Variants in MTUS1 observed in about 807,000 individuals in gnomAD.
MTUS1 encodes the protein microtubule associated scaffold protein 1.
Under a neutral mutation model 120.8 loss-of-function variants are expected in MTUS1, and 109 were observed. The ratio of observed to expected loss-of-function variants is 0.90; its 90% CI spans 0.77 to 1.06. The LOEUF is 1.06. Ranked by LOEUF, MTUS1 falls within the 50% of genes least tolerant of loss-of-function variation. The probability of loss-of-function intolerance (pLI) is 0.00; values close to 1 mark genes in which losing one functional copy is unlikely to be tolerated. For missense variants in MTUS1, 2,210 were observed against 1,486.3 expected, an observed-to-expected ratio of 1.49 and a Z score of -8.01; for synonymous variants, 737 against 550.5, an observed-to-expected ratio of 1.34 and a Z score of -4.74.
At chr8:17,660,165 GA>G (rs1308521918) in intron 8 of MTUS1, among the ~76,000 whole-genome samples, 1 of 151,992 alleles carries the variant, frequency 6.6e-6, no homozygotes, top group African/African-American at 2.4e-5. Flanking sequence ...TTGAGTTCAG[GA>G]GTTCGAGACC....
chr8:17,721,577 C>A (rs1313457683), intron 4 of MTUS1: 3 of 1,099,978 alleles, frequency 2.7e-6, no homozygotes, highest in African/African-American at 1.6e-5. Flanking sequence ...AATATACATA[C>A]AAAATGCCCC....
intron 5 of MTUS1, 33 bp from the exon 6 acceptor site, chr8:17,713,285 T>G: frequency 8.0e-7 from 1 of 1,255,268 alleles, no homozygotes; most frequent in Non-Finnish European, 1.2e-6. Flanking sequence ...AAAATACATA[T>G]GTTTTATTTG....
intron 1 of MTUS1, among the ~76,000 whole-genome samples, chr8:17,792,838 T>C (rs1410412901): frequency 6.6e-6 from 1 of 152,258 alleles, no homozygotes; most frequent in African/African-American, 2.4e-5. Context: ...TCCTCCAGCC[T>C]GTGACACAGC....
At chr8:17,733,710 G>T (rs1056868748) in intron 3 of MTUS1, among the ~76,000 whole-genome samples, 7 of 152,154 alleles carry the variant, frequency 4.6e-5, no homozygotes, top group African/African-American at 1.4e-4. Context: ...CCAATCTGTT[G>T]TGTCCTAATC....
chr8:17,684,283 C>G (rs752042522), intron 7 of MTUS1, 45 bp downstream of exon 7: 18 of 1,487,828 alleles, frequency 1.2e-5, no homozygotes, highest in Non-Finnish European at 1.0e-5. Flanking sequence ...CCCGTGCTCC[C>G]CCGACCTCAA....
At chr8:17,662,850 AAAAAAAAG>A (rs1810060644) in intron 8 of MTUS1, among the ~76,000 whole-genome samples, 1 of 151,944 alleles carries the variant, frequency 6.6e-6, no homozygotes, top group South Asian at 2.1e-4. Flanking sequence ...AAGAGAAAAA[AAAAAAAAG>A]AAAAAGGAAG....
At chr8:17,759,562 T>G (rs2048879990) in intron 1 of MTUS1, among the ~76,000 whole-genome samples, 2 of 149,282 alleles carry the variant, frequency 1.3e-5, no homozygotes, top group Non-Finnish European at 3.0e-5. Flanking sequence ...GGGGCAGGAT[T>G]CTTTATAATG....
At position 17,715,845 on chromosome 8, in the gene MTUS1, T is replaced by C. The variant is rs1305903726; in HGVS notation, c.2506A>G (p.Asn836Asp). 6.2e-7 allele frequency: 1 copy of C among 1,614,006 alleles called. No individual in the cohort carries two copies. Among genetic ancestry groups the C allele is most frequent in the Non-Finnish European group, 8.5e-7 (1 of 1,179,932 alleles). Residue 836 changes from asparagine to aspartate, a missense_variant, in exon 5 of 15, where the codon AAT becomes GAT. Transcript: ENST00000693296. Reference sequence around the variant, plus strand: ...AAATAAAAGGATCCTGAGGAACCATTCTGAAATGCTGGTTTTGGAGGTTTC... The same window carrying C: ...AAATAAAAGGATCCTGAGGAACCATCCTGAAATGCTGGTTTTGGAGGTTTC... ...EEKPPKPAFQNGSSGSFYLKP... is the reference protein window; with the variant it reads ...EEKPPKPAFQDGSSGSFYLKP...
At chr8:17,777,662 T>C (rs1410300508) in intron 1 of MTUS1, among the ~76,000 whole-genome samples, 1 of 152,152 alleles carries the variant, frequency 6.6e-6, no homozygotes, top group Non-Finnish European at 1.5e-5. Context: ...CCTGAGAACC[T>C]GCCAGACACT....
intron 6 of MTUS1, among the ~76,000 whole-genome samples, chr8:17,688,848 G>C (rs1437889493): frequency 6.6e-6 from 1 of 152,060 alleles, no homozygotes; most frequent in African/African-American, 2.4e-5. Context: ...TCTATTTCTA[G>C]GTAGACATGG....
intron 7 of MTUS1, among the ~76,000 whole-genome samples, chr8:17,679,439 T>C (rs1255591999): frequency 6.6e-6 from 1 of 151,966 alleles, no homozygotes; most frequent in Non-Finnish European, 1.5e-5. Flanking sequence ...AGGGAGTTTT[T>C]AAAATTGTTT....
chr8:17,686,721 ATTC>A (rs1815891007), intron 6 of MTUS1, among the ~76,000 whole-genome samples: 1 of 152,218 alleles, frequency 6.6e-6, no homozygotes, highest in Non-Finnish European at 1.5e-5. Context: ...TGGAGAAAAT[ATTC>A]TTCAAGATTC....
chr8:17,740,154 T>G (rs896084558), intron 3 of MTUS1, among the ~76,000 whole-genome samples: 17 of 151,184 alleles, frequency 1.1e-4, no homozygotes, highest in Admixed American at 7.9e-4. Context: ...GTTGCAGTGA[T>G]CCGAGATTGC....
chr8:17,701,032 T>A (rs1818975845), intron 6 of MTUS1, among the ~76,000 whole-genome samples: 1 of 152,166 alleles, frequency 6.6e-6, no homozygotes, highest in African/African-American at 2.4e-5. Flanking sequence ...TGCTACAAAA[T>A]GCCTTCAATT....
At chr8:17,684,256 C>G in intron 7 of MTUS1, 72 bp downstream of exon 7, 1 of 1,057,896 alleles carries the variant, frequency 9.5e-7, no homozygotes. Flanking sequence ...CCAAGGCCAG[C>G]GTGTGAGCAA....
chr8:17,644,240 G>A lies in MTUS1; in HGVS notation c.*1686C>T, dbSNP rs140306284. 899 of 152,628 alleles carry A rather than the reference G, an allele frequency of 5.9e-3. 1 individual carries two copies. Among genetic ancestry groups the A allele is most frequent in the Non-Finnish European group, 9.1e-3 (620 of 68,020 alleles). 9.5% of individuals were successfully genotyped at this position (152,628 alleles called of 1,614,324 possible). A position where few individuals can be genotyped will look rare whatever the true frequency, so the allele number is the denominator to read the frequency against. On this transcript the variant is annotated 3_prime_UTR_variant, in exon 15 of 15. Transcript: ENST00000693296. ...AAGGTTACATACATGATGAAGTATTGGAAGTTAAAGACTTAAGACACAAAA... is the reference window on the plus strand; with the variant it reads ...AAGGTTACATACATGATGAAGTATTAGAAGTTAAAGACTTAAGACACAAAA...
chr8:17,725,121 C>G (rs936451780), intron 3 of MTUS1, among the ~76,000 whole-genome samples: 22 of 151,980 alleles, frequency 1.4e-4, no homozygotes, highest in Non-Finnish European at 2.9e-4. Context: ...TTCCCCAGAT[C>G]CCCATATATT....
Position 17,755,263 on chromosome 8 carries a change from T to C in MTUS1, c.545A>G (p.Gln182Arg), listed in dbSNP as rs757917238. The C allele has an allele frequency of 3.9e-5, 63 of 1,614,074 alleles. No homozygotes were observed. In the South Asian group the frequency reaches 6.8e-4, roughly 17 times the overall value. The change falls in exon 2 of 15, where the codon CAG becomes CGG. Residue 182 changes from glutamine to arginine, a missense_variant. Physicochemically the swap from Gln to Arg is conservative, Grantham distance 43. Transcript: ENST00000693296. ...FISHHAIGKS[Q>R]SFHTAGSLPP... is the part of the protein sequence containing the mutation. ...CAGGCTTCCAGCAGTATGGAAGGACTGACTCTTTCCGATGGCATGATGTGA... is the reference window on the plus strand; with the variant it reads ...CAGGCTTCCAGCAGTATGGAAGGACCGACTCTTTCCGATGGCATGATGTGA...
intron 1 of MTUS1, among the ~76,000 whole-genome samples, chr8:17,768,936 T>C (rs2049790501): frequency 6.6e-6 from 1 of 152,270 alleles, no homozygotes; most frequent in South Asian, 2.1e-4. Context: ...TTTGTTTTTG[T>C]TTTTTTAATA....
Sources: gnomAD v4.1 joint callset for allele counts (sites outside exome capture counted in the v4.1 genomes callset) on GRCh38, gnomAD v4.1.1 for gene constraint, MANE v1.5 for transcripts, NCBI Gene and HGNC (gene_info 2026-07-23, HGNC 2026-07-21) for gene names.